Variants in ZBTB20 observed in about 807,000 individuals in gnomAD.
ZBTB20 encodes the protein zinc finger and BTB domain-containing protein 20.
In ZBTB20, 9 loss-of-function variants were observed where a neutral mutation model predicts 56.9. That is an observed-to-expected ratio of 0.16 (90% CI 0.10 to 0.28). The LOEUF (loss-of-function observed/expected upper bound fraction) is 0.28. Ranked by LOEUF, ZBTB20 falls within the 10% of genes least tolerant of loss-of-function variation. The probability of loss-of-function intolerance (pLI) is 1.00; values close to 1 mark genes in which losing one functional copy is unlikely to be tolerated. For missense variants in ZBTB20, 655 were observed against 1,003.0 expected, an observed-to-expected ratio of 0.65 and a Z score of 4.69; for synonymous variants, 417 against 420.7, an observed-to-expected ratio of 0.99 and a Z score of 0.11.
chr3:114,908,585 G>T (rs2075404831), intron 3 of ZBTB20, among the ~76,000 whole-genome samples: 1 of 151,848 alleles, frequency 6.6e-6, no homozygotes, highest in South Asian at 2.1e-4. Flanking sequence ...CAATGAAAAA[G>T]AGCTCATATA....
At chr3:115,079,913 A>C (rs1047679212) in intron 1 of ZBTB20, among the ~76,000 whole-genome samples, 7 of 152,158 alleles carry the variant, frequency 4.6e-5, no homozygotes. Context: ...TGTGCTGGGG[A>C]AAATATTAGG....
At chr3:114,566,986 G>T (rs1423043337) in intron 6 of ZBTB20, among the ~76,000 whole-genome samples, 1 of 152,096 alleles carries the variant, frequency 6.6e-6, no homozygotes, top group Non-Finnish European at 1.5e-5. Flanking sequence ...CATTCCTATT[G>T]ACTTAGCATT....
At chr3:115,063,678 CACACAA>C (rs1284660175) in intron 2 of ZBTB20, among the ~76,000 whole-genome samples, 1 of 150,722 alleles carries the variant, frequency 6.6e-6, no homozygotes, top group Admixed American at 6.6e-5. Context: ...CACACACACA[CACACAA>C]ACACACACAC....
At chr3:114,431,392 C>T (rs2090107992) in intron 7 of ZBTB20, among the ~76,000 whole-genome samples, 1 of 152,166 alleles carries the variant, frequency 6.6e-6, no homozygotes, top group Non-Finnish European at 1.5e-5. Flanking sequence ...GCCCCTTCTA[C>T]ATTACGTATA....
At chr3:114,368,837 G>A (rs1047942295) in intron 10 of ZBTB20, among the ~76,000 whole-genome samples, 4 of 152,154 alleles carry the variant, frequency 2.6e-5, no homozygotes, top group African/African-American at 9.7e-5. Context: ...AGGAATCCCA[G>A]GATCTAGTCA....
At chr3:114,612,585 T>C (rs1227992113) in intron 6 of ZBTB20, among the ~76,000 whole-genome samples, 1 of 152,238 alleles carries the variant, frequency 6.6e-6, no homozygotes, top group Non-Finnish European at 1.5e-5. Context: ...CAGTGGTCTT[T>C]TCCAGTGACA....
intron 3 of ZBTB20, among the ~76,000 whole-genome samples, chr3:114,906,127 G>T (rs1336275715): frequency 6.6e-6 from 1 of 151,692 alleles, no homozygotes; most frequent in Non-Finnish European, 1.5e-5. Context: ...TATACCCAGG[G>T]TCTAGTTTAG....
At chr3:114,699,125 A>G (rs988653372) in intron 5 of ZBTB20, among the ~76,000 whole-genome samples, 5 of 152,144 alleles carry the variant, frequency 3.3e-5, no homozygotes, top group African/African-American at 1.2e-4. Context: ...AAGCTTAACA[A>G]AAATTATAAT....
chr3:114,430,786 T>TG (rs2090062024), intron 7 of ZBTB20, among the ~76,000 whole-genome samples: 1 of 152,202 alleles, frequency 6.6e-6, no homozygotes, highest in African/African-American at 2.4e-5. Flanking sequence ...CCTGGCACAG[T>TG]GAATTCCCTG....
intron 4 of ZBTB20, among the ~76,000 whole-genome samples, chr3:114,818,470 C>A (rs111597018): frequency 0.016 from 2,502 of 152,032 alleles, 35 homozygotes; most frequent in Middle Eastern, 0.034. Flanking sequence ...GCATCTTAAT[C>A]CCAATGTCTA....
intron 4 of ZBTB20, among the ~76,000 whole-genome samples, chr3:114,885,961 C>G (rs1241477116): frequency 1.3e-5 from 2 of 152,160 alleles, no homozygotes; most frequent in African/African-American, 4.8e-5. Context: ...GCTTATTGAG[C>G]ATTCTTAAAG....
intron 5 of ZBTB20, among the ~76,000 whole-genome samples, chr3:114,760,446 T>A (rs1162440398): frequency 6.6e-6 from 1 of 152,168 alleles, no homozygotes; most frequent in Non-Finnish European, 1.5e-5. Context: ...TTGTAAAGGT[T>A]GGGTAGAAGT....
At chr3:114,539,758 T>G (rs2048896283) in intron 6 of ZBTB20, among the ~76,000 whole-genome samples, 1 of 152,100 alleles carries the variant, frequency 6.6e-6, no homozygotes. Context: ...CCCACTGCCC[T>G]CATTAGACTC....
In ZBTB20 at chr3:114,506,316, T is replaced by C. The variant is rs564986983; in HGVS notation, c.-294-5925A>G. Reference sequence around the variant, plus strand: ...CAATAAAGAGAGAAGATTTTAAAGTTCAGCAATTAGGTCTGGGACTGCTTC... The same window carrying C: ...CAATAAAGAGAGAAGATTTTAAAGTCCAGCAATTAGGTCTGGGACTGCTTC... On this transcript the variant is annotated intron_variant, in intron 6 of 11. Transcript: ENST00000675478. Among the ~76,000 whole-genome samples the C allele has an allele frequency of 1.6e-4, 25 of 152,232 alleles. 1 individual carries two copies. The highest frequency in any genetic ancestry group is 1.0e-3 in the South Asian group (5 of 4,824).
At chr3:114,354,563 G>GTTTTTTTTTTT (rs59539017) in intron 10 of ZBTB20, among the ~76,000 whole-genome samples, 1 of 130,078 alleles carries the variant, frequency 7.7e-6, no homozygotes, top group Non-Finnish European at 1.6e-5. Context: ...TTCTGAACAG[G>GTTTTTTTTTTT]TTTTTTTTTG....
rs1255367007 is a variant in ZBTB20, at chr3:114,946,960, A to G, written c.-456+27406T>C. 2.7e-5 allele frequency among the ~76,000 whole-genome samples: 4 copies of G among 145,872 alleles called. No homozygotes were observed. The East Asian group carries it at 7.7e-4, about 28-fold the overall frequency. ...TACAAGGAACTCAAACTAAATAACA[A>G]CGACAAAACAAATAATCCTATCAAA... On this transcript the variant is annotated intron_variant, in intron 3 of 11. Coordinates refer to ENST00000675478, the MANE Select transcript of ZBTB20 (RefSeq NM_001348800.3).
intron 1 of ZBTB20, among the ~76,000 whole-genome samples, chr3:115,142,137 C>G (rs114913128): frequency 1.6e-4 from 25 of 152,240 alleles, no homozygotes; most frequent in African/African-American, 6.0e-4. Context: ...AACAAAGTGG[C>G]TTAAACAAAA....
At chr3:114,643,708 C>G (rs2059682485) in intron 6 of ZBTB20, among the ~76,000 whole-genome samples, 1 of 152,012 alleles carries the variant, frequency 6.6e-6, no homozygotes, top group Non-Finnish European at 1.5e-5. Flanking sequence ...TTCACTAAAC[C>G]TCTTCTTGGA....
Position 114,329,536 on chromosome 3 carries a change from C to G in ZBTB20, c.*9469G>C, listed in dbSNP as rs1316682427. 1 of 151,930 alleles carries G rather than the reference C, an allele frequency of 6.6e-6. No individual in the cohort carries two copies. The highest frequency in any genetic ancestry group is 1.9e-4 in the East Asian group (1 of 5,180). The allele number at this position is 151,930 out of a possible 1,614,324, so 9.4% of individuals were successfully genotyped here. On this transcript the variant is annotated 3_prime_UTR_variant, in exon 12 of 12. Coordinates refer to ENST00000675478, the MANE Select transcript of ZBTB20 (RefSeq NM_001348800.3). ...TGATGGCCCAACTAAAGAAGAAAGG[C>G]ACCAAATCCTCACTTTAACAGGTAA... is the stretch of plus-strand genomic sequence containing the variant.
Sources: gnomAD v4.1 joint callset for allele counts (sites outside exome capture counted in the v4.1 genomes callset) on GRCh38, gnomAD v4.1.1 for gene constraint, MANE v1.5 for transcripts, NCBI Gene and HGNC (gene_info 2026-07-23, HGNC 2026-07-21) for gene names.